Variants in PDZD2 observed in about 807,000 individuals in gnomAD.
The protein encoded by PDZD2 is PDZ domain containing 2.
A neutral mutation model predicts 220.7 loss-of-function variants in PDZD2; 90 were observed. That is an observed-to-expected ratio of 0.41 (90% CI 0.34 to 0.49). PDZD2 has a LOEUF of 0.49. PDZD2 is among the 20% of genes least tolerant of loss of function. The probability of loss-of-function intolerance (pLI) is 0.28; values close to 1 mark genes in which losing one functional copy is unlikely to be tolerated. For missense variants in PDZD2, 3,174 were observed against 3,608.5 expected, an observed-to-expected ratio of 0.88 and a Z score of 3.08; for synonymous variants, 1,375 against 1,450.5, an observed-to-expected ratio of 0.95 and a Z score of 1.18.
At chr5:31,647,553 C>T (rs1363981311) in intron 1 of PDZD2, among the ~76,000 whole-genome samples, 1 of 152,160 alleles carries the variant, frequency 6.6e-6, no homozygotes, top group Non-Finnish European at 1.5e-5. Flanking sequence ...CTGCTTCAGC[C>T]CAGTCTATGC....
At chr5:32,011,334 CAAA>C (rs70957995) in intron 6 of PDZD2, among the ~76,000 whole-genome samples, 43 of 133,872 alleles carry the variant, frequency 3.2e-4, no homozygotes, top group Admixed American at 4.4e-4. Flanking sequence ...ACAAAAAATA[CAAA>C]AAAAAAAAAA....
chr5:31,838,185 G>A (rs978377271), intron 2 of PDZD2, among the ~76,000 whole-genome samples: 1 of 152,104 alleles, frequency 6.6e-6, no homozygotes, highest in African/African-American at 2.4e-5. Flanking sequence ...AGCCTCCCAA[G>A]TAGCTGGAAT....
chr5:31,931,158 G>A (rs913930339), intron 2 of PDZD2, among the ~76,000 whole-genome samples: 1 of 152,130 alleles, frequency 6.6e-6, no homozygotes, highest in Non-Finnish European at 1.5e-5. Context: ...GAGTAGCTGG[G>A]ATTACAGGCA....
At chr5:31,722,967 C>T (rs979462419) in intron 1 of PDZD2, among the ~76,000 whole-genome samples, 4 of 152,146 alleles carry the variant, frequency 2.6e-5, no homozygotes, top group African/African-American at 4.8e-5. Context: ...GGATTACAGG[C>T]GTGAGACACC....
chr5:31,653,787 TTTTG>T (rs79692300), intron 1 of PDZD2, among the ~76,000 whole-genome samples: 2 of 151,676 alleles, frequency 1.3e-5, no homozygotes, highest in African/African-American at 4.9e-5. Flanking sequence ...AGTATATGTT[TTTTG>T]TTTGTTTGTT....
intron 6 of PDZD2, among the ~76,000 whole-genome samples, chr5:32,035,368 C>A (rs1314171798): frequency 4.6e-5 from 7 of 151,978 alleles, no homozygotes. Context: ...TCAAGTGATT[C>A]TCCAGCCTTA....
At chr5:31,958,823 T>G (rs1747958881) in intron 2 of PDZD2, among the ~76,000 whole-genome samples, 2 of 152,136 alleles carry the variant, frequency 1.3e-5, no homozygotes, top group Admixed American at 6.6e-5. Flanking sequence ...GATGGTGATC[T>G]CATTTTGTAG....
At chr5:31,853,051 T>C (rs1758151917) in intron 2 of PDZD2, among the ~76,000 whole-genome samples, 2 of 152,286 alleles carry the variant, frequency 1.3e-5, no homozygotes, top group East Asian at 1.9e-4. Context: ...TATTAGAAAA[T>C]TATTCAATTT....
At chr5:32,057,806 T>C (rs919002566) in intron 11 of PDZD2, 72 bp from the exon 12 acceptor site, 1 of 1,327,294 alleles carries the variant, frequency 7.5e-7, no homozygotes, top group Admixed American at 2.0e-5. Flanking sequence ...GGTGAGTTGT[T>C]TTTTTTTTTT....
Position 32,060,988 on chromosome 5 carries a change from G to A in PDZD2, c.2319-14G>A, listed in dbSNP as rs753241389. Reference sequence around the variant, plus strand: ...GCTGCTAACACAGAGTGTGGATTCTGTTGCCCTCCCTAGCCGCGGGGATCA... The same window carrying A: ...GCTGCTAACACAGAGTGTGGATTCTATTGCCCTCCCTAGCCGCGGGGATCA... On this transcript the variant is annotated splice_polypyrimidine_tract_variant and intron_variant, in intron 13 of 24. Transcript: ENST00000438447. 7 of 1,614,066 alleles carry A rather than the reference G, an allele frequency of 4.3e-6. No homozygotes were observed. The East Asian group carries it at 1.1e-4, about 26-fold the overall frequency.
At chr5:31,917,193 A>T (rs1472628980) in intron 2 of PDZD2, among the ~76,000 whole-genome samples, 1 of 152,196 alleles carries the variant, frequency 6.6e-6, no homozygotes. Context: ...CGATTATTGC[A>T]TCTGACACTT....
chr5:32,090,388 G>C lies in PDZD2; in HGVS notation c.6940G>C (p.Val2314Leu), dbSNP rs1425472620. 6.2e-7 allele frequency: 1 copy of C among 1,614,070 alleles called. No individual in the cohort carries two copies. The highest frequency in any genetic ancestry group is 2.2e-5 in the East Asian group (1 of 44,894). ...CTGCCTAGTCACAGACAAAATCAAA[G>C]TCACCAGACGACACTACTGCTATGA... ...TSCLVTDKIK[V>L]TRRHYCYEQN... Residue 2314 changes from valine to leucine, a missense_variant, in exon 20 of 25, where the codon GTC (valine) becomes CTC (leucine). By Grantham distance (32) the Val-to-Leu change is conservative. This residue lies in a region of PDZD2 where 631 missense variants were observed against 789.9 expected (regional missense o/e 0.80). Transcript: ENST00000438447. The surrounding 1 kb of genome is among the most constrained non-coding windows in gnomAD (Gnocchi z 4.3).
intron 2 of PDZD2, among the ~76,000 whole-genome samples, chr5:31,888,110 G>GC (rs1202398111): frequency 1.3e-5 from 2 of 152,050 alleles, no homozygotes; most frequent in African/African-American, 2.4e-5. Flanking sequence ...AGCTTTGCCT[G>GC]CCTGCCTTCC....
At chr5:32,043,097 T>C (rs919245518) in intron 7 of PDZD2, among the ~76,000 whole-genome samples, 3 of 152,234 alleles carry the variant, frequency 2.0e-5, no homozygotes, top group Non-Finnish European at 4.4e-5. Flanking sequence ...CCAGGGAATC[T>C]TGAAAAGAAT....
intron 2 of PDZD2, among the ~76,000 whole-genome samples, chr5:31,850,241 T>TACAC (rs1291897348): frequency 1.9e-4 from 20 of 107,718 alleles, no homozygotes; most frequent in African/African-American, 6.2e-4. Flanking sequence ...TATATATATA[T>TACAC]ATACACACAC....
intron 2 of PDZD2, among the ~76,000 whole-genome samples, chr5:31,876,740 C>T (rs991121023): frequency 2.0e-5 from 3 of 152,284 alleles, no homozygotes; most frequent in Admixed American, 2.0e-4. Context: ...ATGTCATCCA[C>T]AATTACATAA....
chr5:31,990,246 G>T (rs1459731694), intron 3 of PDZD2, among the ~76,000 whole-genome samples: 3 of 152,186 alleles, frequency 2.0e-5, no homozygotes, highest in African/African-American at 7.2e-5. Flanking sequence ...AATGCTGTGA[G>T]ACAGCTCCCT....
At chr5:31,911,551 T>G (rs1261585901) in intron 2 of PDZD2, among the ~76,000 whole-genome samples, 2 of 152,242 alleles carry the variant, frequency 1.3e-5, no homozygotes, top group African/African-American at 4.8e-5. Flanking sequence ...TTCGTTTCTC[T>G]GTTTTCTTGC....
At chr5:31,762,822 T>A (rs930880903) in intron 1 of PDZD2, among the ~76,000 whole-genome samples, 1 of 152,208 alleles carries the variant, frequency 6.6e-6, no homozygotes, top group African/African-American at 2.4e-5. Flanking sequence ...GAGTTGGATT[T>A]GAGAGGTAAT....
Sources: gnomAD v4.1 joint callset for allele counts (sites outside exome capture counted in the v4.1 genomes callset) on GRCh38, gnomAD v4.1.1 for gene constraint, gnomAD v4.1.1 regional missense constraint, Gnocchi (gnomAD v3.1) non-coding constraint, MANE v1.5 for transcripts, NCBI Gene and HGNC (gene_info 2026-07-23, HGNC 2026-07-21) for gene names.